The following EML6 variants were observed in gnomAD, a reference collection of about 807,000 sequenced individuals.
EML6 encodes the protein EMAP like 6.
Under a neutral mutation model 240.1 loss-of-function variants are expected in EML6, and 154 were observed. The observed-to-expected ratio is 0.64, with a 90% confidence interval of 0.56 to 0.73. The LOEUF is 0.73. Among genes scored for constraint, EML6 ranks in the 30% least tolerant of loss-of-function variants. The probability of loss-of-function intolerance (pLI) is 0.00; values close to 1 mark genes in which losing one functional copy is unlikely to be tolerated. For synonymous variants in EML6, 1,148 were observed against 899.0 expected, an observed-to-expected ratio of 1.28 and a Z score of -4.95; for missense variants, 2,964 against 2,474.6, an observed-to-expected ratio of 1.20 and a Z score of -4.20.
intron 17 of EML6, among the ~76,000 whole-genome samples, chr2:54,889,442 C>T (rs1016040738): frequency 6.7e-6 from 1 of 149,474 alleles, no homozygotes; most frequent in Admixed American, 6.7e-5. Context: ...GGATATAGTT[C>T]TGTTTTTTAA....
At chr2:54,851,236 C>G (rs1670068110) in intron 10 of EML6, among the ~76,000 whole-genome samples, 2 of 151,978 alleles carry the variant, frequency 1.3e-5, no homozygotes, top group South Asian at 4.2e-4. Flanking sequence ...TGGTGAAGTC[C>G]CATCTCTGCT....
chr2:54,757,690 A>C (rs1193392521), intron 2 of EML6, among the ~76,000 whole-genome samples: 1 of 151,992 alleles, frequency 6.6e-6, no homozygotes, highest in African/African-American at 2.4e-5. Flanking sequence ...TAGTCCTCCT[A>C]CTTTCACCCC....
chr2:54,840,110 C>T (rs1395433094), intron 7 of EML6, among the ~76,000 whole-genome samples: 1 of 152,144 alleles, frequency 6.6e-6, no homozygotes, highest in African/African-American at 2.4e-5. Context: ...AGCATTAAAT[C>T]CTTTCTGTAA....
At chr2:54,935,205 T>C (rs530701310) in intron 28 of EML6, among the ~76,000 whole-genome samples, 19 of 152,310 alleles carry the variant, frequency 1.2e-4, no homozygotes, top group African/African-American at 3.8e-4. Context: ...CCATGTACCT[T>C]TGAAAGTGTC....
chr2:54,876,664 G>A (rs1040413966), intron 16 of EML6, among the ~76,000 whole-genome samples: 2 of 152,194 alleles, frequency 1.3e-5, no homozygotes, highest in Non-Finnish European at 2.9e-5. Flanking sequence ...TTGAATATTT[G>A]TACAGTGTTT....
chr2:54,755,767 C>T (rs1017417533), intron 2 of EML6, among the ~76,000 whole-genome samples: 2 of 152,022 alleles, frequency 1.3e-5, no homozygotes, highest in African/African-American at 4.8e-5. Flanking sequence ...CTCAAGCGAT[C>T]CTCCCACCTC....
At chr2:54,842,417 C>A (rs1669509634) in intron 7 of EML6, among the ~76,000 whole-genome samples, 1 of 152,134 alleles carries the variant, frequency 6.6e-6, no homozygotes, top group Non-Finnish European at 1.5e-5. Flanking sequence ...TAAAGGCGTT[C>A]TAATTGGAAT....
At chr2:54,891,201 T>C (rs1178431285) in intron 18 of EML6, 47 bp downstream of exon 18, 1 of 959,704 alleles carries the variant, frequency 1.0e-6, no homozygotes, top group Non-Finnish European at 1.5e-6. Flanking sequence ...AGCTTTACCC[T>C]AGCTGGAAAG....
intron 17 of EML6, among the ~76,000 whole-genome samples, chr2:54,890,779 G>A (rs1175880072): frequency 2.0e-5 from 3 of 152,138 alleles, no homozygotes; most frequent in Non-Finnish European, 2.9e-5. Context: ...ATCTTATGGA[G>A]ACATTACAAT....
chr2:54,832,079 G>C (rs1424736750), intron 7 of EML6, among the ~76,000 whole-genome samples: 10 of 152,148 alleles, frequency 6.6e-5, no homozygotes, highest in Admixed American at 6.5e-4. Flanking sequence ...TGTCACAAAA[G>C]GCCACTGTGT....
chr2:54,937,587 A>G (rs1675213795), intron 28 of EML6, among the ~76,000 whole-genome samples: 1 of 150,980 alleles, frequency 6.6e-6, no homozygotes, highest in Non-Finnish European at 1.5e-5. Context: ...AAAAAAGTAG[A>G]AAAGTTAGTT....
In EML6 at chr2:54,963,970, C is replaced by A; in HGVS notation, c.5158-16C>A. The A allele has an allele frequency of 1.9e-6, 3 of 1,542,950 alleles. No homozygotes were observed. The highest frequency in any genetic ancestry group is 2.0e-5 in the Admixed American group (1 of 49,578). On this transcript the variant is annotated splice_polypyrimidine_tract_variant and intron_variant, in intron 36 of 41. Coordinates refer to ENST00000356458, the MANE Select transcript of EML6 (RefSeq NM_001039753.4). Reference sequence around the variant, plus strand: ...GGGGCCAAGAGCTCAGGTGACTTTCCTTTGCATCAATGTAGAAGCTGTTAA... The same window carrying A: ...GGGGCCAAGAGCTCAGGTGACTTTCATTTGCATCAATGTAGAAGCTGTTAA...
intron 24 of EML6, among the ~76,000 whole-genome samples, chr2:54,906,233 A>G (rs576434610): frequency 1.3e-5 from 2 of 152,286 alleles, no homozygotes; most frequent in African/African-American, 4.8e-5. Context: ...ATGGATATGA[A>G]GTGTATCTCA....
chr2:54,961,133 T>C (rs1558729499), intron 35 of EML6, among the ~76,000 whole-genome samples: 1 of 147,280 alleles, frequency 6.8e-6, no homozygotes, highest in Non-Finnish European at 1.5e-5. Flanking sequence ...AGGGTAGTTA[T>C]GGGAGATGAA....
At chr2:54,875,000 C>A (rs973648141) in intron 16 of EML6, among the ~76,000 whole-genome samples, 2 of 152,112 alleles carry the variant, frequency 1.3e-5, no homozygotes, top group African/African-American at 2.4e-5. Context: ...AGGTGTCAGG[C>A]CTCCTCCAGC....
chr2:54,788,501 A>G (rs1008639769), intron 2 of EML6, among the ~76,000 whole-genome samples: 1 of 152,326 alleles, frequency 6.6e-6, no homozygotes, highest in South Asian at 2.1e-4. Context: ...TGTGAGAAAC[A>G]CTATAAACAT....
At chr2:54,785,934 AATATATAT>A (rs1352905071) in intron 2 of EML6, among the ~76,000 whole-genome samples, 1 of 149,588 alleles carries the variant, frequency 6.7e-6, no homozygotes, top group Admixed American at 6.7e-5. Flanking sequence ...TGTATATATA[AATATATAT>A]ATATATATTT....
chr2:54,883,647 A>G (rs372023234), intron 17 of EML6, among the ~76,000 whole-genome samples: 1 of 152,170 alleles, frequency 6.6e-6, no homozygotes. Flanking sequence ...ACAGCAGCAC[A>G]GTGTGTAAGT....
intron 28 of EML6, among the ~76,000 whole-genome samples, chr2:54,936,964 CTCTCTT>C (rs1675166301): frequency 9.3e-6 from 1 of 107,602 alleles, no homozygotes; most frequent in Non-Finnish European, 1.8e-5. Context: ...ACGGTCATGT[CTCTCTT>C]TTTTTTTTTT....
Sources: allele counts gnomAD v4.1 joint callset (sites outside exome capture counted in the v4.1 genomes callset), GRCh38; gene constraint gnomAD v4.1.1; transcripts MANE v1.5; gene names NCBI Gene and HGNC (gene_info 2026-07-23, HGNC 2026-07-21).